Variants in WDFY3 observed in about 807,000 individuals in gnomAD.
WDFY3 encodes WD repeat and FYVE domain-containing protein 3.
In WDFY3, 66 loss-of-function variants were observed where a neutral mutation model predicts 409.6. The observed-to-expected ratio is 0.16, with a 90% CI of 0.13 to 0.20. The LOEUF is 0.20. WDFY3 is among the 10% of genes least tolerant of loss of function. The pLI is 1.00. For missense variants in WDFY3, 3,031 were observed against 4,298.1 expected (o/e 0.71, Z 8.24); for synonymous variants, 1,521 against 1,537.1 (o/e 0.99, Z 0.25).
chr4:84,680,015 G>T (rs1030234005), intron 64 of WDFY3, among the ~76,000 whole-genome samples: 2 of 150,594 alleles, frequency 1.3e-5, no homozygotes, highest in Non-Finnish European at 3.0e-5. Context: ...CTCAGCCTTG[G>T]AAGTAGCTAG....
rs1217001463 is a variant in WDFY3 at position 84,678,223 on chromosome 4, A to G, written c.10204T>C (p.Phe3402Leu). 10 of 1,614,128 alleles carry G rather than the reference A, an allele frequency of 6.2e-6. No individual in the cohort carries two copies. The highest frequency in any genetic ancestry group is 8.5e-6 in the Non-Finnish European group (10 of 1,180,022). Residue 3402 changes from phenylalanine to leucine, a missense_variant, in exon 66 of 68, where the codon TTT becomes CTT. Phe to Leu is a conservative substitution (Grantham distance 22). Coordinates refer to ENST00000295888, the MANE Select transcript of WDFY3 (RefSeq NM_014991.6). ...GGGTGTGCATTGTCCTTTCGATCAA[A>G]GGCTGTGTGCATAGTCAGCTTACTC... ...FRSKLTMHTA[F>L]DRKDNAHPAE...
intron 3 of WDFY3, among the ~76,000 whole-genome samples, chr4:84,868,506 T>C (rs760031458): frequency 5.9e-5 from 9 of 152,208 alleles, no homozygotes; most frequent in Non-Finnish European, 1.3e-4. Context: ...TAGCCCAGAC[T>C]ATGAGATACT....
At chr4:84,708,358 G>A (rs1466695561) in intron 53 of WDFY3, among the ~76,000 whole-genome samples, 2 of 152,128 alleles carry the variant, frequency 1.3e-5, no homozygotes, top group Non-Finnish European at 2.9e-5. Flanking sequence ...AAATTAATCC[G>A]CACTTAAAGA....
intron 2 of WDFY3, among the ~76,000 whole-genome samples, chr4:84,929,707 C>T (rs556079146): frequency 4.6e-5 from 7 of 152,048 alleles, no homozygotes; most frequent in Middle Eastern, 3.4e-3. Flanking sequence ...GTCAGGAGTT[C>T]GAGAACAGCC....
intron 2 of WDFY3, among the ~76,000 whole-genome samples, chr4:84,929,083 T>C (rs1171651474): frequency 1.3e-5 from 2 of 152,182 alleles, no homozygotes; most frequent in African/African-American, 4.8e-5. Flanking sequence ...TTCATCTTGC[T>C]CACCGTCTCT....
At chr4:84,917,684 C>T (rs570300162) in intron 2 of WDFY3, among the ~76,000 whole-genome samples, 43 of 151,188 alleles carry the variant, frequency 2.8e-4, no homozygotes, top group Non-Finnish European at 4.4e-4. Context: ...ACTCAAAATG[C>T]GAGGGCAATA....
Position 84,691,730 on chromosome 4 carries a change from C to T in WDFY3, c.9105G>A (p.Val3035=). The T allele has an allele frequency of 6.2e-7, 1 of 1,613,988 alleles. No individual in the cohort carries two copies. Among genetic ancestry groups the T allele is most frequent in the Non-Finnish European group, 8.5e-7 (1 of 1,179,916 alleles). ...IVCTDKGILA[V]EQNKVLIPPT... ...GTGGGATAAGAACCTTATTCTGTTC[C>T]ACCGCAAGAATACCTTTATCTGTAC... is the stretch of plus-strand genomic sequence containing the variant. The change falls in exon 60 of 68, where the codon GTG becomes GTA. Residue 3035 remains valine (V), a synonymous_variant. Coordinates refer to ENST00000295888, the MANE Select transcript of WDFY3 (RefSeq NM_014991.6).
intron 1 of WDFY3, among the ~76,000 whole-genome samples, chr4:84,947,643 T>C (rs1773055207): frequency 6.9e-6 from 1 of 144,636 alleles, no homozygotes; most frequent in Admixed American, 7.2e-5. Context: ...GCCAAGGCAG[T>C]CAAGATCGCT....
chr4:84,828,133 T>C (rs1381010884), intron 9 of WDFY3, among the ~76,000 whole-genome samples: 2 of 152,022 alleles, frequency 1.3e-5, no homozygotes, highest in African/African-American at 4.8e-5. Context: ...CAAGTAAGTT[T>C]ACAAAACAGT....
chr4:84,949,067 G>A (rs923998729), intron 1 of WDFY3, among the ~76,000 whole-genome samples: 6 of 152,016 alleles, frequency 3.9e-5, no homozygotes, highest in African/African-American at 1.5e-4. Context: ...AGTTAGTTAA[G>A]GTTAGATTGA....
intron 2 of WDFY3, among the ~76,000 whole-genome samples, chr4:84,901,324 G>A (rs947408955): frequency 6.6e-6 from 1 of 152,132 alleles, no homozygotes; most frequent in Non-Finnish European, 1.5e-5. Context: ...CTGCTCTCAC[G>A]AAGGGACTAA....
chr4:84,940,626 A>C (rs1294204672), intron 1 of WDFY3, among the ~76,000 whole-genome samples: 1 of 152,044 alleles, frequency 6.6e-6, no homozygotes, highest in Non-Finnish European at 1.5e-5. Context: ...TCTTGTTTAT[A>C]CTAACCAGCA....
At chr4:84,864,816 G>A (rs957297608) in intron 3 of WDFY3, among the ~76,000 whole-genome samples, 2 of 152,190 alleles carry the variant, frequency 1.3e-5, no homozygotes, top group Admixed American at 6.5e-5. Flanking sequence ...TAGTTAGCAC[G>A]TTTATTTATT....
chr4:84,769,052 G>A (rs1259979303), intron 30 of WDFY3, among the ~76,000 whole-genome samples: 1 of 152,184 alleles, frequency 6.6e-6, no homozygotes, highest in Non-Finnish European at 1.5e-5. Flanking sequence ...GAAACAGCAA[G>A]AGAACTAGAA....
At chr4:84,894,396 T>C (rs1309426024) in intron 3 of WDFY3, among the ~76,000 whole-genome samples, 1 of 152,146 alleles carries the variant, frequency 6.6e-6, no homozygotes, top group Non-Finnish European at 1.5e-5. Context: ...CAGGGGCTCA[T>C]GCCTGTAATC....
intron 1 of WDFY3, among the ~76,000 whole-genome samples, chr4:84,933,558 T>C (rs1771035663): frequency 6.6e-6 from 1 of 152,102 alleles, no homozygotes; most frequent in South Asian, 2.1e-4. Context: ...CCAATTATAC[T>C]TATTTTTTAA....
At chr4:84,790,416 T>C (rs1332166298) in intron 21 of WDFY3, among the ~76,000 whole-genome samples, 1 of 152,140 alleles carries the variant, frequency 6.6e-6, no homozygotes, top group Non-Finnish European at 1.5e-5. Context: ...TGCAATACCC[T>C]TACCTGCAGT....
intron 2 of WDFY3, among the ~76,000 whole-genome samples, chr4:84,927,762 G>A (rs1056724864): frequency 6.6e-6 from 1 of 152,318 alleles, no homozygotes; most frequent in Admixed American, 6.5e-5. Context: ...AGCCATGATT[G>A]TAAGTTTCCT....
intron 1 of WDFY3, among the ~76,000 whole-genome samples, chr4:84,957,641 C>A (rs1213360116): frequency 6.6e-6 from 1 of 152,112 alleles, no homozygotes; most frequent in Non-Finnish European, 1.5e-5. Flanking sequence ...CTCAGGGATC[C>A]CTGAAAGGTC....
Sources: gnomAD v4.1 joint callset for allele counts (sites outside exome capture counted in the v4.1 genomes callset) on GRCh38, gnomAD v4.1.1 for gene constraint, MANE v1.5 for transcripts, NCBI Gene and HGNC (gene_info 2026-07-23, HGNC 2026-07-21) for gene names.